Variants in CEMIP2 observed in about 807,000 individuals in gnomAD.
CEMIP2 encodes the protein cell surface hyaluronidase CEMIP2.
A neutral mutation model predicts 146.9 loss-of-function variants in CEMIP2; 79 were observed. The observed-to-expected ratio is 0.54, with a 90% confidence interval of 0.45 to 0.65. The LOEUF is 0.65. Among genes scored for constraint, CEMIP2 ranks in the 30% least tolerant of loss-of-function variants. The probability of loss-of-function intolerance (pLI) is 0.00; values close to 1 mark genes in which losing one functional copy is unlikely to be tolerated. For missense variants in CEMIP2, 1,596 were observed against 1,696.2 expected, an observed-to-expected ratio of 0.94 and a Z score of 1.04; for synonymous variants, 601 against 606.3, an observed-to-expected ratio of 0.99 and a Z score of 0.13.
At chr9:71,729,961 C>A in intron 9 of CEMIP2, 47 bp from the exon 10 acceptor site, 1 of 1,613,040 alleles carries the variant, frequency 6.2e-7, no homozygotes, top group Non-Finnish European at 8.5e-7. Context: ...CATAAAAACT[C>A]CTGCCCACTA....
At position 71,740,805 on chromosome 9, in the gene CEMIP2, G is replaced by GTTTT. The variant is rs1415915439; in HGVS notation, c.1035-574_1035-573insAAAA. On this transcript the variant is annotated intron_variant, in intron 4 of 23. Coordinates refer to ENST00000377044, the MANE Select transcript of CEMIP2 (RefSeq NM_013390.3). Reference sequence around the variant, plus strand: ...TGTTTTTAAAGTTCCCAGGTGACTGGAACATGCAGTTAGGCTTAAAAACCA... The same window carrying GTTTT: ...TGTTTTTAAAGTTCCCAGGTGACTGGTTTTAACATGCAGTTAGGCTTAAAAACCA... Among the ~76,000 whole-genome samples, 622 of 152,294 alleles carry GTTTT rather than the reference G, an allele frequency of 4.1e-3. 6 individuals carry two copies. Among genetic ancestry groups the GTTTT allele is most frequent in the African/African-American group, 0.014 (578 of 41,554 alleles).
In CEMIP2 at chr9:71,750,078, A is replaced by C; in HGVS notation, c.296T>G (p.Ile99Ser). ...ATATTTTGAGGATATTCCTAAAATG[A>C]TTGCAAGTGCAATAAAAAATGAGAA... ...TSFSFFIALAIILGISSKYAP... is the reference protein window; with the variant it reads ...TSFSFFIALASILGISSKYAP... Residue 99 changes from isoleucine (I) to serine (S), a missense_variant, in exon 2 of 24, where the codon ATC becomes AGC. Coordinates refer to ENST00000377044, the MANE Select transcript of CEMIP2 (RefSeq NM_013390.3). 1.2e-6 allele frequency: 2 copies of C among 1,611,652 alleles called. No homozygotes were observed. Among genetic ancestry groups the C allele is most frequent in the Non-Finnish European group, 1.7e-6 (2 of 1,178,682 alleles).
In CEMIP2 at chr9:71,750,104, A is replaced by C; in HGVS notation, c.270T>G (p.Ser90Arg). 2 of 1,613,430 alleles carry C rather than the reference A, an allele frequency of 1.2e-6. No homozygotes were observed. The highest frequency in any genetic ancestry group is 3.3e-4 in the Middle Eastern group (2 of 6,052). The part of the protein sequence containing the change: ...KNTFICFAIT[S>R]FSFFIALAII... The stretch of plus-strand genomic sequence containing the variant: ...TTGCAAGTGCAATAAAAAATGAGAA[A>C]CTAGTAATAGCAAAACAAATGAAAG... Residue 90 changes from serine (S) to arginine (R), a missense_variant, in exon 2 of 24, where the codon AGT becomes AGG. By Grantham distance (110) the Ser-to-Arg change is moderately radical (BLOSUM62 -1). Transcript: ENST00000377044.
intron 1 of CEMIP2, among the ~76,000 whole-genome samples, chr9:71,760,111 T>G (rs186228369): frequency 4.1e-4 from 63 of 152,172 alleles, no homozygotes; most frequent in Non-Finnish European, 8.8e-4. Flanking sequence ...ACTTTTGTAT[T>G]AAGCTATAGT....
At chr9:71,729,464 A>G (rs1823547131) in intron 10 of CEMIP2, among the ~76,000 whole-genome samples, 1 of 151,938 alleles carries the variant, frequency 6.6e-6, no homozygotes, top group Non-Finnish European at 1.5e-5. Context: ...CTAAAAATAC[A>G]GAAAATTAGC....
At chr9:71,713,440 T>G (rs1311037165) in intron 15 of CEMIP2, among the ~76,000 whole-genome samples, 5 of 152,168 alleles carry the variant, frequency 3.3e-5, no homozygotes, top group African/African-American at 1.2e-4. Flanking sequence ...CTTTTGATTT[T>G]AAATTGCCCA....
chr9:71,728,285 A>ATACACGTATATATATATATATATG (rs1554684743), intron 10 of CEMIP2, among the ~76,000 whole-genome samples: 1 of 27,310 alleles, frequency 3.7e-5, no homozygotes, highest in African/African-American at 1.1e-4. Flanking sequence ...ATATATGTAT[A>ATACACGTATATATATATATATATG]TATATATATA....
At position 71,699,947 on chromosome 9, in the gene CEMIP2, C is replaced by T. The variant is rs955236306; in HGVS notation, c.3377+695G>A. Among the ~76,000 whole-genome samples, 10 of 152,140 alleles carry T rather than the reference C, an allele frequency of 6.6e-5. No homozygotes were observed. The East Asian group carries it at 7.7e-4, about 12-fold the overall frequency. On this transcript the variant is annotated intron_variant, in intron 19 of 23. Transcript: ENST00000377044. ...TTACATGCCCACATTCCTCAATGGA[C>T]GGTGAGTTTGCAGAAGAAATGCATC...
intron 15 of CEMIP2, 22 bp downstream of exon 15, chr9:71,714,912 C>G: frequency 3.7e-6 from 6 of 1,607,784 alleles, no homozygotes; most frequent in Non-Finnish European, 5.1e-6. Flanking sequence ...ATTTAACACT[C>G]CACAGCTAAA....
intron 4 of CEMIP2, among the ~76,000 whole-genome samples, chr9:71,741,053 C>A (rs1440625604): frequency 6.6e-6 from 1 of 152,168 alleles, no homozygotes; most frequent in Non-Finnish European, 1.5e-5. Context: ...TAGTGATCAT[C>A]AACCTTCAGT....
chr9:71,729,783 A>G (rs1314618626), intron 10 of CEMIP2, 62 bp downstream of exon 10: 2 of 1,528,904 alleles, frequency 1.3e-6, no homozygotes, highest in African/African-American at 2.7e-5. Context: ...ATCCAAATAA[A>G]CCAGACTATT....
At chr9:71,728,281 G>GTATA (rs1228923367) in intron 10 of CEMIP2, among the ~76,000 whole-genome samples, 729 of 9,200 alleles carry the variant, frequency 0.079, 170 homozygotes, top group East Asian at 0.15. Flanking sequence ...ATATATATAT[G>GTATA]TATATATATA....
In CEMIP2 at chr9:71,694,413, G is replaced by A. The variant is rs573187916; in HGVS notation, c.3696+96C>T. 1,998 of 959,042 alleles carry A rather than the reference G, an allele frequency of 2.1e-3. 40 individuals carry two copies. In the South Asian group the frequency reaches 0.023, roughly 11 times the overall value. The allele number at this position is 959,042 out of a possible 1,614,324, so 59.4% of individuals were successfully genotyped here. ...GCTGGGATCACAGGTGTGAGCCACCGCACCCAGCCAATTTCTGTTGTTTAT... is the reference window on the plus strand; with the variant it reads ...GCTGGGATCACAGGTGTGAGCCACCACACCCAGCCAATTTCTGTTGTTTAT... On this transcript the variant is annotated intron_variant, in intron 21 of 23. Coordinates refer to ENST00000377044, the MANE Select transcript of CEMIP2 (RefSeq NM_013390.3).
Position 71,725,857 on chromosome 9 carries a change from T to G in CEMIP2, c.2050-148A>C, listed in dbSNP as rs1051573400. 9 of 782,600 alleles carry G rather than the reference T, an allele frequency of 1.2e-5. No individual in the cohort carries two copies. The African/African-American group carries it at 1.6e-4, about 14-fold the overall frequency. 48.5% of individuals were successfully genotyped at this position (782,600 alleles called of 1,614,324 possible). A position where few individuals can be genotyped will look rare whatever the true frequency, so the allele number is the denominator to read the frequency against. ...AGGTTCAGAATTGACAATAAAAAGT[T>G]GTACACACGTCTCAAAGTGGTTATA... On this transcript the variant is annotated intron_variant, in intron 10 of 23. Coordinates refer to ENST00000377044, the MANE Select transcript of CEMIP2 (RefSeq NM_013390.3).
intron 14 of CEMIP2, among the ~76,000 whole-genome samples, chr9:71,715,860 G>C (rs1823042177): frequency 6.6e-6 from 1 of 151,430 alleles, no homozygotes; most frequent in African/African-American, 2.4e-5. Flanking sequence ...TCCTGGCTTT[G>C]AGCGATCCTC....
chr9:71,758,755 C>T (rs1824538794), intron 1 of CEMIP2, among the ~76,000 whole-genome samples: 1 of 152,154 alleles, frequency 6.6e-6, no homozygotes, highest in African/African-American at 2.4e-5. Context: ...AGGGTGACTT[C>T]TGTTTGCTGC....
At chr9:71,727,752 C>A (rs1270603005) in intron 10 of CEMIP2, among the ~76,000 whole-genome samples, 1 of 152,188 alleles carries the variant, frequency 6.6e-6, no homozygotes, top group Non-Finnish European at 1.5e-5. Context: ...ATCTCGATAG[C>A]ATACTATCTT....
intron 17 of CEMIP2, chr9:71,705,060 T>C (rs1408173399): frequency 7.2e-6 from 3 of 418,718 alleles, no homozygotes; most frequent in East Asian, 4.2e-5. Context: ...GGCCAGCTTA[T>C]TCATCAGAAT....
chr9:71,767,367 A>T (rs1327913459), intron 1 of CEMIP2, among the ~76,000 whole-genome samples: 1 of 152,076 alleles, frequency 6.6e-6, no homozygotes, highest in South Asian at 2.1e-4. Flanking sequence ...GCAGCGCATC[A>T]CTCTGTCACA....
Sources: allele counts gnomAD v4.1 joint callset (sites outside exome capture counted in the v4.1 genomes callset), GRCh38; gene constraint gnomAD v4.1.1; transcripts MANE v1.5; gene names NCBI Gene and HGNC (gene_info 2026-07-23, HGNC 2026-07-21).